The following CACNA2D3 variants were observed in gnomAD, a reference collection of about 807,000 sequenced individuals.
CACNA2D3 encodes the protein voltage-dependent calcium channel subunit alpha-2/delta-3.
CACNA2D3 carries 60 observed loss-of-function variants against 160.6 expected under a neutral mutation model. The observed-to-expected ratio is 0.37, with a 90% CI of 0.30 to 0.46. The LOEUF (loss-of-function observed/expected upper bound fraction) is 0.46. Ranked by LOEUF, CACNA2D3 falls within the 20% of genes least tolerant of loss-of-function variation. The pLI, the probability that CACNA2D3 is intolerant of heterozygous loss-of-function variation, is 1.00. For missense variants in CACNA2D3, 1,205 were observed against 1,365.0 expected (o/e 0.88, Z 1.85); for synonymous variants, 558 against 492.9 (o/e 1.13, Z -1.75).
intron 3 of CACNA2D3, among the ~76,000 whole-genome samples, chr3:54,325,133 A>G (rs1277329224): frequency 6.6e-6 from 1 of 152,182 alleles, no homozygotes; most frequent in Non-Finnish European, 1.5e-5. Flanking sequence ...ATCAACTGCA[A>G]GCATTATCTG....
At chr3:54,743,973 C>T (rs569241888) in intron 11 of CACNA2D3, among the ~76,000 whole-genome samples, 1 of 152,312 alleles carries the variant, frequency 6.6e-6, no homozygotes, top group African/African-American at 2.4e-5. Context: ...AGACTCAGTT[C>T]TGTCTGTCTG....
intron 4 of CACNA2D3, among the ~76,000 whole-genome samples, chr3:54,474,848 A>G (rs1479034849): frequency 6.6e-6 from 1 of 152,158 alleles, no homozygotes; most frequent in African/African-American, 2.4e-5. Context: ...TTCCCTCCAC[A>G]ATGCTGAGTT....
At chr3:54,744,313 A>G (rs1393741939) in intron 11 of CACNA2D3, among the ~76,000 whole-genome samples, 2 of 152,216 alleles carry the variant, frequency 1.3e-5, no homozygotes, top group Non-Finnish European at 2.9e-5. Context: ...TATAGTGCAA[A>G]ATACAAGAGA....
At chr3:54,987,638 G>T (rs1270630139) in intron 30 of CACNA2D3, 45 bp from the exon 31 acceptor site, 1 of 1,252,422 alleles carries the variant, frequency 8.0e-7, no homozygotes, top group Non-Finnish European at 1.1e-6. Context: ...TCCTGTTTGG[G>T]CACATTATTT....
intron 6 of CACNA2D3, among the ~76,000 whole-genome samples, chr3:54,566,299 G>A (rs539739124): frequency 6.6e-6 from 1 of 152,262 alleles, no homozygotes. Flanking sequence ...CCATCTGTTG[G>A]CTATTTCCTT....
chr3:54,326,849 T>C (rs1384808302), intron 3 of CACNA2D3, among the ~76,000 whole-genome samples: 1 of 152,198 alleles, frequency 6.6e-6, no homozygotes, highest in African/African-American at 2.4e-5. Flanking sequence ...AGCAGTACAT[T>C]TGTTTCAGAA....
At chr3:54,660,644 A>G (rs1208554673) in intron 11 of CACNA2D3, among the ~76,000 whole-genome samples, 1 of 152,212 alleles carries the variant, frequency 6.6e-6, no homozygotes, top group African/African-American at 2.4e-5. Flanking sequence ...TCAACAGATT[A>G]TCTGCCCTAC....
chr3:55,060,122 T>C (rs1186530850), intron 35 of CACNA2D3, among the ~76,000 whole-genome samples: 1 of 152,104 alleles, frequency 6.6e-6, no homozygotes, highest in Admixed American at 6.5e-5. Context: ...CTACGCAGTA[T>C]TTACTTGCCT....
chr3:54,931,408 G>C lies in CACNA2D3; in HGVS notation c.2449+31540G>C, dbSNP rs149551232. Among the ~76,000 whole-genome samples, 8 of 152,334 alleles carry C rather than the reference G, an allele frequency of 5.3e-5. No individual in the cohort carries two copies. The South Asian group carries it at 1.0e-3, about 20-fold the overall frequency. ...ATCTGACCTCAGCCAAGAGAACAAA[G>C]GGAGGGTGTGTGATATGCATGCTAA... On this transcript the variant is annotated intron_variant, in intron 27 of 37. Coordinates refer to ENST00000474759, the MANE Select transcript of CACNA2D3 (RefSeq NM_018398.3).
At chr3:54,330,661 G>T (rs1055777284) in intron 3 of CACNA2D3, among the ~76,000 whole-genome samples, 1 of 152,212 alleles carries the variant, frequency 6.6e-6, no homozygotes, top group Admixed American at 6.5e-5. Flanking sequence ...AGAGATGATG[G>T]AAGCAGCTCC....
chr3:54,800,687 C>A (rs967455139), intron 13 of CACNA2D3, among the ~76,000 whole-genome samples: 4 of 152,200 alleles, frequency 2.6e-5, no homozygotes, highest in Admixed American at 2.0e-4. Flanking sequence ...TGTCTGCCAT[C>A]AAATGAGTAA....
chr3:54,344,573 A>G (rs11711956), intron 3 of CACNA2D3, among the ~76,000 whole-genome samples: 53,728 of 152,076 alleles, frequency 0.35, 10,756 homozygotes, highest in African/African-American at 0.54. Flanking sequence ...ACTTTTCTCT[A>G]GGTGGAGACA....
intron 27 of CACNA2D3, among the ~76,000 whole-genome samples, chr3:54,963,573 C>T (rs772548146): frequency 6.6e-6 from 1 of 152,188 alleles, no homozygotes; most frequent in Non-Finnish European, 1.5e-5. Context: ...ATTTGGACAG[C>T]ACAGGATCAG....
chr3:55,058,947 T>A (rs1704433525), intron 35 of CACNA2D3, among the ~76,000 whole-genome samples: 1 of 152,182 alleles, frequency 6.6e-6, no homozygotes. Flanking sequence ...TCTTTTTTTC[T>A]ATGCAAAACT....
chr3:55,029,890 C>T (rs1360728300), intron 35 of CACNA2D3, among the ~76,000 whole-genome samples: 3 of 152,182 alleles, frequency 2.0e-5, no homozygotes, highest in African/African-American at 7.2e-5. Context: ...AACTACCATA[C>T]TCAATCTTGT....
intron 11 of CACNA2D3, among the ~76,000 whole-genome samples, chr3:54,739,823 A>G (rs886935171): frequency 6.6e-6 from 1 of 151,882 alleles, no homozygotes; most frequent in East Asian, 1.9e-4. Context: ...GTGTGTATAT[A>G]TATAACTATT....
chr3:54,715,431 C>CT (rs1459068606), intron 11 of CACNA2D3, among the ~76,000 whole-genome samples: 4 of 152,108 alleles, frequency 2.6e-5, no homozygotes. Flanking sequence ...ATTTTTGAGA[C>CT]TGAGTTTTTT....
intron 11 of CACNA2D3, among the ~76,000 whole-genome samples, chr3:54,735,512 G>A (rs1014606917): frequency 9.9e-5 from 15 of 152,144 alleles, no homozygotes; most frequent in African/African-American, 2.2e-4. Flanking sequence ...ATGACCCTTC[G>A]CATTGCTGTT....
At chr3:54,332,861 T>C (rs542396203) in intron 3 of CACNA2D3, among the ~76,000 whole-genome samples, 18 of 152,214 alleles carry the variant, frequency 1.2e-4, no homozygotes, top group Non-Finnish European at 2.9e-5. Context: ...TTGGCTACTG[T>C]TAAGATCTAG....
Sources: gnomAD v4.1 joint callset for allele counts (sites outside exome capture counted in the v4.1 genomes callset) on GRCh38, gnomAD v4.1.1 for gene constraint, MANE v1.5 for transcripts, NCBI Gene and HGNC (gene_info 2026-07-23, HGNC 2026-07-21) for gene names.